Variants in LAMC1 observed in about 807,000 individuals in gnomAD.
The protein encoded by LAMC1 is laminin subunit gamma 1.
LAMC1 carries 38 observed loss-of-function variants against 173.6 expected under a neutral mutation model. That is an observed-to-expected ratio of 0.22 (90% CI 0.17 to 0.29). The LOEUF (loss-of-function observed/expected upper bound fraction) is 0.29. Ranked by LOEUF, LAMC1 falls within the 10% of genes least tolerant of loss-of-function variation. LAMC1 has a pLI of 1.00. For missense variants in LAMC1, 1,824 were observed against 2,051.8 expected (o/e 0.89, Z 2.14); for synonymous variants, 746 against 749.1 (o/e 1.00, Z 0.07).
At chr1:183,119,058 A>C (rs751829988) in intron 11 of LAMC1, among the ~76,000 whole-genome samples, 62 of 151,806 alleles carry the variant, frequency 4.1e-4, no homozygotes, top group Non-Finnish European at 8.5e-4. Flanking sequence ...CACCACACCC[A>C]GCTAATTTTT....
intron 1 of LAMC1, among the ~76,000 whole-genome samples, chr1:183,028,277 T>A (rs1039936678): frequency 6.6e-6 from 1 of 152,184 alleles, no homozygotes; most frequent in Admixed American, 6.5e-5. Context: ...TCCTTCCTCC[T>A]GTGCATACAT....
chr1:183,125,378 C>A lies in LAMC1; in HGVS notation c.2648-19C>A, dbSNP rs1460468397. On this transcript the variant is annotated intron_variant, in intron 14 of 27. Transcript: ENST00000258341. ...TCAGGTGATTTGTGTCTTTTGCCAT[C>A]TCTGTCTTCCTGCCTTAGCCTGCAA... 6.2e-7 allele frequency: 1 copy of A among 1,612,912 alleles called. No individual in the cohort carries two copies. Among genetic ancestry groups the A allele is most frequent in the African/African-American group, 1.3e-5 (1 of 74,888 alleles).
At chr1:183,045,036 AT>A (rs1283533178) in intron 1 of LAMC1, among the ~76,000 whole-genome samples, 1 of 151,538 alleles carries the variant, frequency 6.6e-6, no homozygotes, top group Non-Finnish European at 1.5e-5. Context: ...GAACCCAGGG[AT>A]TATTTCTCAG....
intron 1 of LAMC1, among the ~76,000 whole-genome samples, chr1:183,048,088 A>G (rs12022720): frequency 0.33 from 50,551 of 152,022 alleles, 9,611 homozygotes; most frequent in East Asian, 0.49. Flanking sequence ...CAATTTGTAT[A>G]TTCTTAGCCT....
intron 1 of LAMC1, among the ~76,000 whole-genome samples, chr1:183,081,347 C>T (rs905289723): frequency 6.6e-6 from 1 of 151,782 alleles, no homozygotes; most frequent in Non-Finnish European, 1.5e-5. Flanking sequence ...CCTGTAATCC[C>T]AGCACTTTGG....
chr1:183,040,501 G>T (rs1436267045), intron 1 of LAMC1, among the ~76,000 whole-genome samples: 1 of 152,148 alleles, frequency 6.6e-6, no homozygotes, highest in Non-Finnish European at 1.5e-5. Flanking sequence ...TGTTTATTTG[G>T]AACTTGTTCC....
intron 20 of LAMC1, among the ~76,000 whole-genome samples, 178 bp from the exon 21 acceptor site, chr1:183,132,222 G>A (rs531314040): frequency 1.3e-5 from 2 of 152,300 alleles, no homozygotes; most frequent in East Asian, 3.9e-4. Flanking sequence ...GAACCGGGAG[G>A]CGGAGGTTGC....
At chr1:183,136,989 G>A (rs1288232695) in intron 25 of LAMC1, among the ~76,000 whole-genome samples, 1 of 151,992 alleles carries the variant, frequency 6.6e-6, no homozygotes, top group Non-Finnish European at 1.5e-5. Context: ...ATTGCCATAT[G>A]TAAGCCACTC....
intron 26 of LAMC1, 71 bp downstream of exon 26, chr1:183,137,898 G>A (rs574684136): frequency 1.6e-6 from 2 of 1,287,696 alleles, no homozygotes; most frequent in Admixed American, 5.4e-5. Context: ...TCCCCCACTT[G>A]TTGAGAAGAG....
chr1:183,056,114 G>A (rs918153609), intron 1 of LAMC1, among the ~76,000 whole-genome samples: 16 of 152,380 alleles, frequency 1.1e-4, no homozygotes, highest in South Asian at 4.1e-4. Context: ...AAAGGGCAGT[G>A]TGGTGCAGTG....
At chr1:183,127,528 A>G (rs1268580126) in intron 17 of LAMC1, 124 bp downstream of exon 17, 5 of 787,626 alleles carry the variant, frequency 6.3e-6, no homozygotes, top group Non-Finnish European at 1.0e-5. Context: ...TTAAAGACTT[A>G]TGTTCCAGTT....
chr1:183,103,978 C>T (rs1263967894), intron 2 of LAMC1, among the ~76,000 whole-genome samples: 1 of 147,494 alleles, frequency 6.8e-6, no homozygotes, highest in Non-Finnish European at 1.5e-5. Context: ...GAACATTTGA[C>T]CTAATTACCC....
intron 1 of LAMC1, among the ~76,000 whole-genome samples, chr1:183,097,926 A>T (rs926795702): frequency 2.0e-5 from 3 of 152,190 alleles, no homozygotes; most frequent in African/African-American, 7.2e-5. Context: ...GGTGGTGTGT[A>T]TATCCATGGT....
intron 1 of LAMC1, among the ~76,000 whole-genome samples, chr1:183,067,205 T>C (rs1207467380): frequency 6.6e-6 from 1 of 152,216 alleles, no homozygotes; most frequent in Non-Finnish European, 1.5e-5. Context: ...TCTAGGACTT[T>C]GTCTAACTAT....
chr1:183,130,940 C>T (rs879043697), intron 19 of LAMC1, among the ~76,000 whole-genome samples: 5 of 152,016 alleles, frequency 3.3e-5, no homozygotes, highest in African/African-American at 9.7e-5. Context: ...TTTGGGAGGC[C>T]GAGGCGGGTG....
rs113518918 is a variant in LAMC1 at position 183,145,430 on chromosome 1, C to T, written c.*2640C>T. ...TCCCTGAATTTTTTTCCTTTGAATT[C>T]CAACTGTGGACCTTTTATATGTGCC... is the stretch of plus-strand genomic sequence containing the variant. On this transcript the variant is annotated 3_prime_UTR_variant, in exon 28 of 28. Coordinates refer to ENST00000258341, the MANE Select transcript of LAMC1 (RefSeq NM_002293.4). 1,563 of 152,596 alleles carry T rather than the reference C, an allele frequency of 0.01. 15 individuals carry two copies. The highest frequency in any genetic ancestry group is 0.037 in the Middle Eastern group (11 of 294). The allele number at this position is 152,596 out of a possible 1,614,324, so 9.5% of individuals were successfully genotyped here.
chr1:183,039,808 G>A (rs1257288661), intron 1 of LAMC1, among the ~76,000 whole-genome samples: 1 of 152,142 alleles, frequency 6.6e-6, no homozygotes, highest in Non-Finnish European at 1.5e-5. Flanking sequence ...GTACAGATTT[G>A]TTTTCTGTGC....
chr1:183,031,333 T>G (rs1430983964), intron 1 of LAMC1, among the ~76,000 whole-genome samples: 4 of 152,196 alleles, frequency 2.6e-5, no homozygotes. Flanking sequence ...GAGACGAGTT[T>G]CGCTCTTGTC....
chr1:183,119,643 G>C (rs1656415632), intron 11 of LAMC1, among the ~76,000 whole-genome samples: 2 of 152,112 alleles, frequency 1.3e-5, no homozygotes, highest in African/African-American at 4.8e-5. Context: ...GCTGAGGTGA[G>C]AGGATCACGT....
Sources: allele counts gnomAD v4.1 joint callset (sites outside exome capture counted in the v4.1 genomes callset), GRCh38; gene constraint gnomAD v4.1.1; transcripts MANE v1.5; gene names NCBI Gene and HGNC (gene_info 2026-07-23, HGNC 2026-07-21).